SLC15A4: variants seen among roughly 807,000 people sequenced by gnomAD.
SLC15A4 encodes the protein hPHT1.
SLC15A4 carries 26 observed loss-of-function variants against 46.1 expected under a neutral mutation model. The ratio of observed to expected loss-of-function variants is 0.56; its 90% CI spans 0.41 to 0.78. The LOEUF is 0.78. Among genes scored for constraint, SLC15A4 ranks in the 30% least tolerant of loss-of-function variants. SLC15A4 has a pLI of 0.00. For missense variants in SLC15A4, 751 were observed against 755.7 expected, an observed-to-expected ratio of 0.99 and a Z score of 0.07; for synonymous variants, 370 against 333.4, an observed-to-expected ratio of 1.11 and a Z score of -1.20.
chr12:128,812,508 G>A (rs1181451844), intron 2 of SLC15A4, among the ~76,000 whole-genome samples: 3 of 152,026 alleles, frequency 2.0e-5, no homozygotes, highest in East Asian at 1.9e-4. Context: ...TTTAGTAGAC[G>A]GGGTTTCACG....
At chr12:128,795,709 A>C (rs1955435368) in intron 7 of SLC15A4, among the ~76,000 whole-genome samples, 1 of 152,256 alleles carries the variant, frequency 6.6e-6, no homozygotes, top group Non-Finnish European at 1.5e-5. Context: ...CTCAATGTGC[A>C]GACGTGGGAA....
At chr12:128,814,556 C>A in intron 2 of SLC15A4, 2 of 539,118 alleles carry the variant, frequency 3.7e-6, no homozygotes, top group Non-Finnish European at 6.6e-6. Flanking sequence ...GGGGTTAAAG[C>A]ATGAGCTCTG....
intron 7 of SLC15A4, among the ~76,000 whole-genome samples, chr12:128,796,516 A>G (rs1259200274): frequency 6.6e-6 from 1 of 151,604 alleles, no homozygotes; most frequent in Non-Finnish European, 1.5e-5. Context: ...ATTCACACCA[A>G]TTAAAGAAGA....
At chr12:128,799,441 G>A (rs1033500265) in intron 6 of SLC15A4, 24 bp from the exon 7 acceptor site, 53 of 1,612,778 alleles carry the variant, frequency 3.3e-5, no homozygotes, top group Non-Finnish European at 4.3e-5. Flanking sequence ...AGGGAGGGTC[G>A]TTTTTGTGAA....
intron 5 of SLC15A4, 84 bp downstream of exon 5, chr12:128,808,704 G>C: frequency 7.1e-7 from 1 of 1,406,934 alleles, no homozygotes. Flanking sequence ...ACAACCTGGG[G>C]CACGACTGCG....
intron 2 of SLC15A4, chr12:128,813,963 G>C (rs1020037250): frequency 6.5e-5 from 10 of 154,610 alleles, no homozygotes; most frequent in African/African-American, 2.4e-4. Context: ...TCTCTTCTTG[G>C]GCTTAAGTTC....
At chr12:128,810,626 G>A (rs540156343) in intron 2 of SLC15A4, among the ~76,000 whole-genome samples, 3 of 152,204 alleles carry the variant, frequency 2.0e-5, no homozygotes, top group African/African-American at 7.2e-5. Context: ...GTCACTGGCA[G>A]GACTGAGGCA....
chr12:128,819,473 T>C (rs1955805449), intron 1 of SLC15A4: 1 of 152,298 alleles, frequency 6.6e-6, no homozygotes, highest in South Asian at 2.1e-4. Flanking sequence ...CAAAATTTCA[T>C]CATGAATCTC....
intron 7 of SLC15A4, among the ~76,000 whole-genome samples, chr12:128,795,850 T>A (rs904754056): frequency 1.3e-5 from 2 of 152,200 alleles, no homozygotes; most frequent in South Asian, 4.1e-4. Flanking sequence ...CTCCGTACCA[T>A]GTACATCACC....
intron 1 of SLC15A4, among the ~76,000 whole-genome samples, chr12:128,821,696 G>C (rs1955841161): frequency 6.6e-6 from 1 of 151,992 alleles, no homozygotes; most frequent in African/African-American, 2.4e-5. Flanking sequence ...GACCATCCTG[G>C]CCAACACGGT....
chr12:128,820,925 G>A (rs1219189567), intron 1 of SLC15A4, among the ~76,000 whole-genome samples: 3 of 152,176 alleles, frequency 2.0e-5, no homozygotes, highest in African/African-American at 7.2e-5. Flanking sequence ...TAGTGTTTGG[G>A]TCATGGGGAC....
intron 5 of SLC15A4, among the ~76,000 whole-genome samples, chr12:128,803,444 G>A (rs932407280): frequency 1.3e-4 from 19 of 150,106 alleles, no homozygotes; most frequent in East Asian, 1.9e-4. Flanking sequence ...ACAGTAAGCT[G>A]GGGGGAGAAA....
chr12:128,819,739 C>T (rs977908270), intron 1 of SLC15A4: 9 of 152,234 alleles, frequency 5.9e-5, no homozygotes, highest in African/African-American at 1.4e-4. Context: ...AGCTATCTTT[C>T]GGAAGAAGGC....
At position 128,795,285 on chromosome 12, in the gene SLC15A4, C is replaced by T. The variant is rs1955430688; in HGVS notation, c.1574-929G>A. Among the ~76,000 whole-genome samples, 4 of 152,214 alleles carry T rather than the reference C, an allele frequency of 2.6e-5. No homozygotes were observed. In the South Asian group the frequency reaches 8.3e-4, roughly 32 times the overall value. ...TTAAACATGTTCAGGTTTTAGCATC[C>T]TCAAACTGACACAAGCAGATACCTC... On this transcript the variant is annotated intron_variant, in intron 7 of 7. Transcript: ENST00000266771.
intron 6 of SLC15A4, 197 bp downstream of exon 6, chr12:128,800,657 C>A (rs765736340): frequency 4.5e-5 from 23 of 509,960 alleles, no homozygotes; most frequent in Non-Finnish European, 7.4e-5. Flanking sequence ...TTTTGCGATA[C>A]TGTTTTTACA....
At chr12:128,805,944 G>T (rs544182285) in intron 5 of SLC15A4, among the ~76,000 whole-genome samples, 1 of 152,070 alleles carries the variant, frequency 6.6e-6, no homozygotes, top group Non-Finnish European at 1.5e-5. Flanking sequence ...CACTTTGGGA[G>T]GCTGAGGTGG....
At chr12:128,808,746 T>A in intron 5 of SLC15A4, 42 bp downstream of exon 5, 1 of 1,602,256 alleles carries the variant, frequency 6.2e-7, no homozygotes. Context: ...CCACAACTGC[T>A]GCAGTCGGGC....
chr12:128,823,758 C>G lies in SLC15A4; in HGVS notation c.186G>C (p.Leu62=). The G allele has an allele frequency of 2.0e-6, 3 of 1,538,398 alleles. No individual in the cohort carries two copies. In the South Asian group the frequency reaches 3.6e-5, roughly 18 times the overall value. Residue 62 remains leucine, a synonymous_variant, in exon 1 of 8, where the codon CTG becomes CTC. Transcript: ENST00000266771. ...YGITSNLVLF[L]NGAPFCWEGA... Reference sequence around the variant, plus strand: ...CCTCCCAGCAGAACGGCGCCCCGTTCAGGAATAGCACCAGGTTGGACGTGA... The same window carrying G: ...CCTCCCAGCAGAACGGCGCCCCGTTGAGGAATAGCACCAGGTTGGACGTGA...
chr12:128,814,704 G>A (rs1245523725), intron 2 of SLC15A4, 71 bp downstream of exon 2: 37 of 1,513,174 alleles, frequency 2.4e-5, no homozygotes, highest in Admixed American at 8.9e-5. Flanking sequence ...ACAACAAACC[G>A]AAGCTAGGAT....
Sources: gnomAD v4.1 joint callset for allele counts (sites outside exome capture counted in the v4.1 genomes callset) on GRCh38, gnomAD v4.1.1 for gene constraint, MANE v1.5 for transcripts, NCBI Gene and HGNC (gene_info 2026-07-23, HGNC 2026-07-21) for gene names.